Variants in COBL observed in about 807,000 individuals in gnomAD.
COBL encodes the protein protein cordon-bleu.
COBL carries 51 observed loss-of-function variants against 98.8 expected under a neutral mutation model. The observed-to-expected ratio is 0.52, with a 90% CI of 0.41 to 0.65. The LOEUF (loss-of-function observed/expected upper bound fraction) is 0.65, where lower values mean the gene tolerates loss of function less well. COBL is among the 30% of genes least tolerant of loss of function. COBL has a pLI of 0.00. For missense variants in COBL, 1,617 were observed against 1,617.5 expected, an observed-to-expected ratio of 1.00 and a Z score of 0.01; for synonymous variants, 634 against 651.7, an observed-to-expected ratio of 0.97 and a Z score of 0.41.
intron 1 of COBL, among the ~76,000 whole-genome samples, chr7:51,223,691 G>A (rs530193136): frequency 1.1e-4 from 17 of 152,220 alleles, no homozygotes; most frequent in East Asian, 3.9e-4. Context: ...AAACTATGTC[G>A]TCAGAGAACC....
intron 4 of COBL, among the ~76,000 whole-genome samples, chr7:51,186,372 G>A (rs1789508824): frequency 6.6e-6 from 1 of 152,198 alleles, no homozygotes; most frequent in African/African-American, 2.4e-5. Flanking sequence ...CTTAAGTTGA[G>A]AAATTGTCTA....
At chr7:51,259,527 T>C (rs1797528223) in intron 1 of COBL, 1 of 675,882 alleles carries the variant, frequency 1.5e-6, no homozygotes, top group African/African-American at 1.8e-5. Context: ...GGTAGCAAGA[T>C]GGGCCACTGA....
At chr7:51,065,541 T>C in intron 7 of COBL, 1 of 613,576 alleles carries the variant, frequency 1.6e-6, no homozygotes, top group Non-Finnish European at 2.9e-6. Flanking sequence ...TAGGGTGGGC[T>C]ACAGCCAGCT....
chr7:51,201,548 T>C (rs1029320594), intron 2 of COBL, among the ~76,000 whole-genome samples: 1 of 152,210 alleles, frequency 6.6e-6, no homozygotes, highest in Non-Finnish European at 1.5e-5. Flanking sequence ...CTATAATGGA[T>C]AGACCATTCT....
chr7:51,283,504 G>A (rs553508286), intron 1 of COBL, among the ~76,000 whole-genome samples: 148 of 152,092 alleles, frequency 9.7e-4, no homozygotes, highest in Non-Finnish European at 2.0e-3. Flanking sequence ...TTTTTTGTGA[G>A]ATGGAGTTTC....
chr7:51,311,839 A>G (rs1238094938), intron 1 of COBL, among the ~76,000 whole-genome samples: 1 of 152,242 alleles, frequency 6.6e-6, no homozygotes, highest in East Asian at 1.9e-4. Flanking sequence ...ATTTTAAATA[A>G]AGAAAAAGTA....
At chr7:51,117,613 T>C (rs757133501) in intron 6 of COBL, among the ~76,000 whole-genome samples, 3 of 152,198 alleles carry the variant, frequency 2.0e-5, no homozygotes, top group Non-Finnish European at 4.4e-5. Context: ...TATGAGCATA[T>C]TTCCCATTAT....
intron 1 of COBL, among the ~76,000 whole-genome samples, chr7:51,315,374 A>G (rs1290141678): frequency 6.6e-6 from 1 of 152,178 alleles, no homozygotes. Flanking sequence ...AAAACTTTAA[A>G]ATTTTAAAAA....
At chr7:51,206,062 A>G (rs1318711754) in intron 2 of COBL, among the ~76,000 whole-genome samples, 2 of 152,238 alleles carry the variant, frequency 1.3e-5, no homozygotes, top group African/African-American at 2.4e-5. Context: ...GAATGTGGAG[A>G]AAAGGAAAAC....
At chr7:51,291,541 A>G (rs1800891190) in intron 1 of COBL, among the ~76,000 whole-genome samples, 1 of 152,038 alleles carries the variant, frequency 6.6e-6, no homozygotes, top group African/African-American at 2.4e-5. Flanking sequence ...CAGGCGGATC[A>G]CCTGAGATCA....
intron 8 of COBL, among the ~76,000 whole-genome samples, chr7:51,041,478 C>CTTTTTTTTTTTTTTTT (rs773830122): frequency 3.7e-5 from 3 of 80,040 alleles, no homozygotes; most frequent in African/African-American, 1.5e-4. Context: ...TATTTCTTTC[C>CTTTTTTTTTTTTTTTT]TTTTTTTTTT....
At chr7:51,185,494 C>A (rs569572751) in intron 4 of COBL, among the ~76,000 whole-genome samples, 1 of 152,328 alleles carries the variant, frequency 6.6e-6, no homozygotes, top group South Asian at 2.1e-4. Context: ...AGACGGCACT[C>A]ACACAGCTCA....
At chr7:51,106,449 T>C (rs1375229693) in intron 6 of COBL, among the ~76,000 whole-genome samples, 1 of 152,110 alleles carries the variant, frequency 6.6e-6, no homozygotes, top group Non-Finnish European at 1.5e-5. Context: ...AAATTCTAAT[T>C]TAAGTGACAT....
chr7:51,087,384 T>C (rs1247816908), intron 6 of COBL, among the ~76,000 whole-genome samples: 1 of 152,192 alleles, frequency 6.6e-6, no homozygotes, highest in African/African-American at 2.4e-5. Flanking sequence ...TGATAACTGA[T>C]TTGTTTTCTA....
chr7:51,154,190 G>A (rs1244992159), intron 5 of COBL, among the ~76,000 whole-genome samples: 2 of 152,184 alleles, frequency 1.3e-5, no homozygotes, highest in Non-Finnish European at 2.9e-5. Flanking sequence ...CACAGTCAAG[G>A]GAGTCAGAGT....
At chr7:51,285,048 A>G (rs900457501) in intron 1 of COBL, among the ~76,000 whole-genome samples, 1 of 151,578 alleles carries the variant, frequency 6.6e-6, no homozygotes, top group East Asian at 2.0e-4. Flanking sequence ...CCTGGTTTTA[A>G]GCAAATCTCT....
chr7:51,039,586 A>T (rs1297312686), intron 8 of COBL, among the ~76,000 whole-genome samples: 1 of 152,262 alleles, frequency 6.6e-6, no homozygotes, highest in African/African-American at 2.4e-5. Context: ...GATTCTCTCT[A>T]CGTTCCCAAC....
At chr7:51,191,411 T>C (rs543114471) in intron 3 of COBL, among the ~76,000 whole-genome samples, 1 of 151,994 alleles carries the variant, frequency 6.6e-6, no homozygotes, top group South Asian at 2.1e-4. Flanking sequence ...GGCACTTATA[T>C]GCATTTTCTA....
At chr7:51,083,081 T>A in intron 7 of COBL, 1 of 1,530,166 alleles carries the variant, frequency 6.5e-7, no homozygotes, top group Non-Finnish European at 8.7e-7. Context: ...GTCTGAGGCC[T>A]CGGAACCAGC....
Sources: gnomAD v4.1 joint callset for allele counts (sites outside exome capture counted in the v4.1 genomes callset) on GRCh38, gnomAD v4.1.1 for gene constraint, MANE v1.5 for transcripts, NCBI Gene and HGNC (gene_info 2026-07-23, HGNC 2026-07-21) for gene names.